IPCEF1: variants seen among roughly 807,000 people sequenced by gnomAD.
IPCEF1 encodes interaction protein for cytohesin exchange factors 1, also known as interactor protein for cytohesin exchange factors 1.
Under a neutral mutation model 50.9 loss-of-function variants are expected in IPCEF1, and 31 were observed. That is an observed-to-expected ratio of 0.61 (90% CI 0.46 to 0.82). The LOEUF is 0.82. IPCEF1 is among the 40% of genes least tolerant of loss of function. The pLI is 0.00. For synonymous variants in IPCEF1, 181 were observed against 192.0 expected, an observed-to-expected ratio of 0.94 and a Z score of 0.47; for missense variants, 458 against 514.0, an observed-to-expected ratio of 0.89 and a Z score of 1.05.
At chr6:154,279,909 G>C (rs565420107) in intron 2 of IPCEF1, among the ~76,000 whole-genome samples, 46 of 152,160 alleles carry the variant, frequency 3.0e-4, no homozygotes, top group Non-Finnish European at 5.9e-4. Context: ...ATACATAGGA[G>C]AGACACCAAT....
chr6:154,263,448 T>C lies in IPCEF1; in HGVS notation c.36+2464A>G, dbSNP rs1177474253. Among the ~76,000 whole-genome samples, 210 of 131,986 alleles carry C rather than the reference T, an allele frequency of 1.6e-3. 2 individuals are homozygous for C. Among genetic ancestry groups the C allele is most frequent in the Non-Finnish European group, 2.6e-3 (159 of 61,610 alleles). The allele number at this position is 131,986 out of a possible 152,430, so 86.6% of individuals were successfully genotyped here. Reference sequence around the variant, plus strand: ...TGAGATTAGGGAGTGGTGATGACTCTTAAGGAGCATGCTGCCTTCAAGCAT... The same window carrying C: ...TGAGATTAGGGAGTGGTGATGACTCCTAAGGAGCATGCTGCCTTCAAGCAT... On this transcript the variant is annotated intron_variant, in intron 3 of 11. Transcript: ENST00000367220.
intron 11 of IPCEF1, among the ~76,000 whole-genome samples, chr6:154,161,244 T>C (rs911772235): frequency 2.0e-5 from 3 of 149,518 alleles, no homozygotes; most frequent in African/African-American, 7.4e-5. Context: ...ACAGAGTCAC[T>C]CTGTTGCCCA....
chr6:154,341,611 T>C (rs1323562921), intron 1 of IPCEF1, among the ~76,000 whole-genome samples: 1 of 152,186 alleles, frequency 6.6e-6, no homozygotes, highest in African/African-American at 2.4e-5. Flanking sequence ...TGTGTGAATT[T>C]CCCAAGCTTC....
At chr6:154,222,927 A>C in intron 6 of IPCEF1, 1 of 539,634 alleles carries the variant, frequency 1.9e-6, no homozygotes, top group Non-Finnish European at 3.3e-6. Flanking sequence ...ACAGTCATCA[A>C]CAACAGTCCA....
At chr6:154,260,096 C>A (rs1781558823) in intron 3 of IPCEF1, among the ~76,000 whole-genome samples, 2 of 152,156 alleles carry the variant, frequency 1.3e-5, no homozygotes, top group African/African-American at 2.4e-5. Flanking sequence ...CACATAAAGA[C>A]CGATGCTTTG....
At chr6:154,176,205 C>T (rs1203955994) in intron 10 of IPCEF1, among the ~76,000 whole-genome samples, 3 of 152,176 alleles carry the variant, frequency 2.0e-5, no homozygotes, top group African/African-American at 7.2e-5. Context: ...GACAAACCCA[C>T]AGCCAATATC....
chr6:154,271,195 C>CAA (rs141674700), intron 2 of IPCEF1, among the ~76,000 whole-genome samples: 113 of 137,586 alleles, frequency 8.2e-4, no homozygotes, highest in Non-Finnish European at 4.5e-4. Context: ...CCCATCTCTA[C>CAA]AAAAAAAAAA....
At chr6:154,257,616 A>T (rs1781494155) in intron 3 of IPCEF1, among the ~76,000 whole-genome samples, 1 of 152,236 alleles carries the variant, frequency 6.6e-6, no homozygotes, top group Non-Finnish European at 1.5e-5. Context: ...CACAAATAAC[A>T]AACAAGTCTC....
chr6:154,269,240 A>C (rs1362154118), intron 2 of IPCEF1, among the ~76,000 whole-genome samples: 1 of 152,258 alleles, frequency 6.6e-6, no homozygotes, highest in Admixed American at 6.5e-5. Context: ...AAATATTGGC[A>C]TCATGAATAT....
chr6:154,219,964 G>C (rs1778722163), intron 7 of IPCEF1, among the ~76,000 whole-genome samples: 2 of 150,878 alleles, frequency 1.3e-5, no homozygotes, highest in Admixed American at 1.3e-4. Context: ...GCTGGACAGA[G>C]CTGAGCGGAT....
intron 3 of IPCEF1, among the ~76,000 whole-genome samples, chr6:154,261,695 A>G (rs1354376442): frequency 6.6e-6 from 1 of 152,186 alleles, no homozygotes; most frequent in Non-Finnish European, 1.5e-5. Context: ...TAAAATTTCA[A>G]ATAACACTTA....
At chr6:154,301,830 T>C (rs1204813672) in intron 1 of IPCEF1, among the ~76,000 whole-genome samples, 1 of 152,116 alleles carries the variant, frequency 6.6e-6, no homozygotes, top group Non-Finnish European at 1.5e-5. Flanking sequence ...TAAGTAAAAA[T>C]AAATAATACC....
At chr6:154,212,920 C>G in intron 8 of IPCEF1, 65 bp from the exon 9 acceptor site, 1 of 1,116,806 alleles carries the variant, frequency 9.0e-7, no homozygotes, top group Non-Finnish European at 1.4e-6. Context: ...AATGCATGAG[C>G]AGAGGTTTAT....
At chr6:154,221,177 A>G in intron 7 of IPCEF1, 80 bp downstream of exon 7, 8 of 984,580 alleles carry the variant, frequency 8.1e-6, no homozygotes, top group South Asian at 1.4e-5. Context: ...TGATATGGAC[A>G]TATGATTAGA....
chr6:154,237,733 T>C (rs1406393812), intron 5 of IPCEF1, among the ~76,000 whole-genome samples: 2 of 152,192 alleles, frequency 1.3e-5, no homozygotes, highest in Non-Finnish European at 2.9e-5. Flanking sequence ...TATACCATGC[T>C]GCCGAAATCC....
At chr6:154,246,501 C>T (rs1781056369) in intron 5 of IPCEF1, 90 bp downstream of exon 5, 1 of 1,408,772 alleles carries the variant, frequency 7.1e-7, no homozygotes, top group Admixed American at 2.3e-5. Context: ...TCCCAGAAAT[C>T]AAAATGAACT....
chr6:154,265,874 C>A, intron 3 of IPCEF1, 38 bp downstream of exon 3: 1 of 1,464,540 alleles, frequency 6.8e-7, no homozygotes, highest in Non-Finnish European at 9.3e-7. Context: ...ATCAAACTGA[C>A]AATATCTAAA....
chr6:154,276,904 C>A (rs1379156129), intron 2 of IPCEF1, among the ~76,000 whole-genome samples: 3 of 152,172 alleles, frequency 2.0e-5, no homozygotes, highest in African/African-American at 7.2e-5. Flanking sequence ...AAGCTATTTA[C>A]CAAATTTAGA....
intron 1 of IPCEF1, among the ~76,000 whole-genome samples, chr6:154,343,689 G>A (rs1040720883): frequency 3.3e-5 from 5 of 152,184 alleles, no homozygotes; most frequent in African/African-American, 7.2e-5. Context: ...ACTGCTGTAG[G>A]TGTTGTTGAG....
Sources: gnomAD v4.1 joint callset for allele counts (sites outside exome capture counted in the v4.1 genomes callset) on GRCh38, gnomAD v4.1.1 for gene constraint, MANE v1.5 for transcripts, NCBI Gene and HGNC (gene_info 2026-07-23, HGNC 2026-07-21) for gene names.